Variants in CDKAL1 observed in about 807,000 individuals in gnomAD.
CDKAL1 encodes the protein CDKAL1 threonylcarbamoyladenosine tRNA methylthiotransferase, also known as threonylcarbamoyladenosine tRNA methylthiotransferase.
In CDKAL1, 32 loss-of-function variants were observed where a neutral mutation model predicts 68.2. The ratio of observed to expected loss-of-function variants is 0.47; its 90% CI spans 0.35 to 0.63. CDKAL1 has a LOEUF of 0.63. Ranked by LOEUF, CDKAL1 falls within the 30% of genes least tolerant of loss-of-function variation. The probability of loss-of-function intolerance (pLI) is 0.00; values close to 1 mark genes in which losing one functional copy is unlikely to be tolerated. For missense variants in CDKAL1, 606 were observed against 696.7 expected, an observed-to-expected ratio of 0.87 and a Z score of 1.47; for synonymous variants, 234 against 244.3, an observed-to-expected ratio of 0.96 and a Z score of 0.39.
At chr6:20,908,028 AC>A (rs1762309519) in intron 9 of CDKAL1, among the ~76,000 whole-genome samples, 1 of 152,170 alleles carries the variant, frequency 6.6e-6, no homozygotes. Context: ...CTGCAGCTTC[AC>A]TTTTGCTCCA....
At chr6:20,795,467 A>T (rs1210829748) in intron 8 of CDKAL1, among the ~76,000 whole-genome samples, 1 of 152,174 alleles carries the variant, frequency 6.6e-6, no homozygotes, top group Non-Finnish European at 1.5e-5. Context: ...GAGAATTAAA[A>T]AGTAGTCACT....
At chr6:20,650,590 G>A (rs7766844) in intron 5 of CDKAL1, among the ~76,000 whole-genome samples, 20,054 of 152,092 alleles carry the variant, frequency 0.13, 1,565 homozygotes, top group East Asian at 0.38. Flanking sequence ...TGCTTTTGTC[G>A]AAATTGCTTT....
At chr6:20,899,474 G>T (rs922405739) in intron 9 of CDKAL1, among the ~76,000 whole-genome samples, 2 of 152,118 alleles carry the variant, frequency 1.3e-5, no homozygotes, top group Admixed American at 6.5e-5. Context: ...GAATGATGCT[G>T]CTTTTTAAAA....
At chr6:21,052,473 T>C (rs7758243) in intron 11 of CDKAL1, among the ~76,000 whole-genome samples, 63,979 of 151,558 alleles carry the variant, frequency 0.42, 13,776 homozygotes, top group African/African-American at 0.45. Flanking sequence ...CTCAGTTTCC[T>C]GAATAGCTGA....
chr6:20,669,354 CATTTATTTA>C (rs1277645835), intron 5 of CDKAL1, among the ~76,000 whole-genome samples: 2 of 152,122 alleles, frequency 1.3e-5, no homozygotes, highest in Non-Finnish European at 2.9e-5. Context: ...TCTTTTCTCT[CATTTATTTA>C]TGTATTCAAT....
Position 21,093,694 on chromosome 6 carries a change from C to CTT in CDKAL1, c.1237-14668_1237-14667dup, listed in dbSNP as rs547923386. On this transcript the variant is annotated intron_variant, in intron 12 of 15. Transcript: ENST00000274695. ...ATAACCAACTGAGCTGCTGCTGCTG[C>CTT]TTTTTTTTTTTTTTTTTTTTTTTTT... Among the ~76,000 whole-genome samples, 16 of 88,092 alleles carry CTT rather than the reference C, an allele frequency of 1.8e-4. 1 individual carries two copies. Among genetic ancestry groups the CTT allele is most frequent in the Non-Finnish European group, 2.4e-4 (11 of 45,344 alleles). 57.8% of individuals were successfully genotyped at this position (88,092 alleles called of 152,430 possible).
At chr6:21,188,783 G>A (rs1210120082) in intron 13 of CDKAL1, among the ~76,000 whole-genome samples, 1 of 152,028 alleles carries the variant, frequency 6.6e-6, no homozygotes, top group East Asian at 1.9e-4. Flanking sequence ...TGTTGAGAGG[G>A]TAGATTTCAT....
At chr6:20,672,916 A>G (rs1379546408) in intron 5 of CDKAL1, among the ~76,000 whole-genome samples, 3 of 151,994 alleles carry the variant, frequency 2.0e-5, no homozygotes, top group Non-Finnish European at 4.4e-5. Context: ...AGCTGGGATT[A>G]CAGGCGCGAG....
At chr6:21,144,031 A>G (rs548602303) in intron 13 of CDKAL1, among the ~76,000 whole-genome samples, 4 of 152,148 alleles carry the variant, frequency 2.6e-5, no homozygotes, top group African/African-American at 9.6e-5. Context: ...TAGGTATGTT[A>G]TATTCAGAAA....
intron 13 of CDKAL1, among the ~76,000 whole-genome samples, chr6:21,141,304 C>CA (rs1485739598): frequency 1.3e-5 from 2 of 152,220 alleles, no homozygotes; most frequent in African/African-American, 4.8e-5. Flanking sequence ...CTTCAGGACT[C>CA]ACTCAGCCCA....
chr6:20,596,009 G>A (rs541500723), intron 4 of CDKAL1, among the ~76,000 whole-genome samples: 11 of 152,276 alleles, frequency 7.2e-5, no homozygotes, highest in East Asian at 1.9e-4. Context: ...AGAGGCTGCC[G>A]AACAGCAAAG....
intron 7 of CDKAL1, among the ~76,000 whole-genome samples, chr6:20,765,757 G>T (rs1774673598): frequency 6.6e-6 from 1 of 152,026 alleles, no homozygotes; most frequent in South Asian, 2.1e-4. Flanking sequence ...TCTATACCTT[G>T]GTTTGGAATA....
intron 10 of CDKAL1, among the ~76,000 whole-genome samples, chr6:20,959,657 T>G (rs974561987): frequency 6.6e-6 from 1 of 152,084 alleles, no homozygotes; most frequent in Non-Finnish European, 1.5e-5. Flanking sequence ...TCAGACATAC[T>G]AATATTTGCT....
intron 11 of CDKAL1, 108 bp downstream of exon 11, chr6:21,000,480 C>A (rs1398346306): frequency 2.1e-6 from 2 of 949,002 alleles, no homozygotes; most frequent in Non-Finnish European, 3.1e-6. Context: ...AGAGAGAAGG[C>A]GAGACTTTCG....
chr6:20,959,701 G>T (rs547038633), intron 10 of CDKAL1, among the ~76,000 whole-genome samples: 1 of 152,224 alleles, frequency 6.6e-6, no homozygotes, highest in Admixed American at 6.5e-5. Context: ...CGCCCCTGTA[G>T]TGGCAAATAA....
At chr6:21,228,644 A>G (rs891479375) in intron 15 of CDKAL1, among the ~76,000 whole-genome samples, 1 of 152,134 alleles carries the variant, frequency 6.6e-6, no homozygotes, top group African/African-American at 2.4e-5. Flanking sequence ...TCATTCCTAA[A>G]CACTTACTGA....
intron 11 of CDKAL1, among the ~76,000 whole-genome samples, chr6:21,053,913 C>T (rs1292105293): frequency 3.3e-5 from 5 of 152,056 alleles, no homozygotes; most frequent in Non-Finnish European, 7.4e-5. Context: ...TCTATGACTT[C>T]TCTTTTCATT....
At chr6:20,990,447 G>A (rs1766732631) in intron 10 of CDKAL1, among the ~76,000 whole-genome samples, 1 of 152,162 alleles carries the variant, frequency 6.6e-6, no homozygotes, top group Admixed American at 6.5e-5. Context: ...ACATTTCTGT[G>A]AACGCTAATT....
intron 4 of CDKAL1, among the ~76,000 whole-genome samples, chr6:20,626,464 A>G (rs1767436345): frequency 1.3e-5 from 2 of 152,302 alleles, no homozygotes; most frequent in South Asian, 2.1e-4. Flanking sequence ...TAATGTCATG[A>G]ATATATGTTA....
Sources: gnomAD v4.1 joint callset for allele counts (sites outside exome capture counted in the v4.1 genomes callset) on GRCh38, gnomAD v4.1.1 for gene constraint, MANE v1.5 for transcripts, NCBI Gene and HGNC (gene_info 2026-07-23, HGNC 2026-07-21) for gene names.